PDE4D: variants seen among roughly 807,000 people sequenced by gnomAD.
PDE4D encodes the protein 3',5'-cyclic-AMP phosphodiesterase 4D.
In PDE4D, 24 loss-of-function variants were observed where a neutral mutation model predicts 87.4. That is an observed-to-expected ratio of 0.27 (90% CI 0.20 to 0.39). The LOEUF is 0.39. Among genes scored for constraint, PDE4D ranks in the 10% least tolerant of loss-of-function variants. The probability of loss-of-function intolerance (pLI) is 1.00; values close to 1 mark genes in which losing one functional copy is unlikely to be tolerated. For missense variants in PDE4D, 714 were observed against 1,041.0 expected, an observed-to-expected ratio of 0.69 and a Z score of 4.32; for synonymous variants, 384 against 383.2, an observed-to-expected ratio of 1.00 and a Z score of -0.02.
rs563923064 is a variant in PDE4D, at chr5:59,218,121, T to C, written c.456-2153A>G. The C allele has an allele frequency of 1.9e-4, 59 of 305,314 alleles. No individual in the cohort carries two copies. The East Asian group carries it at 2.6e-3, about 13-fold the overall frequency. The allele number at this position is 305,314 out of a possible 1,614,324, so 18.9% of individuals were successfully genotyped here. ...GGTTTGGCAAAGTAGATTTCTCTTC[T>C]AAGAAGATAGTCATGGCAGCTTTTC... On this transcript the variant is annotated intron_variant, in intron 1 of 14. Coordinates refer to ENST00000340635, the MANE Select transcript of PDE4D (RefSeq NM_001104631.2).
At chr5:59,503,217 G>A (rs1808639249) in intron 1 of PDE4D, among the ~76,000 whole-genome samples, 1 of 152,106 alleles carries the variant, frequency 6.6e-6, no homozygotes, top group Admixed American at 6.6e-5. Flanking sequence ...AGTGATAAAA[G>A]TTCAGGAGGT....
At chr5:59,565,222 T>C (rs922124477) in intron 1 of PDE4D, among the ~76,000 whole-genome samples, 1 of 152,050 alleles carries the variant, frequency 6.6e-6, no homozygotes, top group South Asian at 2.1e-4. Flanking sequence ...CTGTACACTA[T>C]TTAGAAAGTT....
intron 5 of PDE4D, among the ~76,000 whole-genome samples, chr5:59,082,581 T>C (rs1313173138): frequency 6.6e-6 from 1 of 152,102 alleles, no homozygotes; most frequent in Non-Finnish European, 1.5e-5. Context: ...CTATTCATAA[T>C]AGTAATAAAA....
chr5:59,481,575 TGGTGGTAAGGA>T (rs1261664900), intron 1 of PDE4D, among the ~76,000 whole-genome samples: 1 of 152,044 alleles, frequency 6.6e-6, no homozygotes, highest in African/African-American at 2.4e-5. Context: ...TGCATTTGGG[TGGTGGTAAGGA>T]AAGGCTGCTC....
At chr5:60,102,309 C>T (rs1001616991) in intron 2 of PDE4D, among the ~76,000 whole-genome samples, 13 of 151,700 alleles carry the variant, frequency 8.6e-5, no homozygotes, top group African/African-American at 2.9e-4. Context: ...AGATTTGTTA[C>T]ATGGGAGTAT....
intron 1 of PDE4D, among the ~76,000 whole-genome samples, chr5:59,429,998 G>A (rs1280071476): frequency 6.6e-6 from 1 of 152,026 alleles, no homozygotes; most frequent in Non-Finnish European, 1.5e-5. Flanking sequence ...TCCATTATTT[G>A]GCTAAATCCT....
chr5:59,053,638 GTT>G (rs1205199951), intron 5 of PDE4D, among the ~76,000 whole-genome samples: 27 of 84,666 alleles, frequency 3.2e-4, no homozygotes, highest in Middle Eastern at 7.6e-3. Context: ...AAGTTGTTTT[GTT>G]TTTTGTTTTT....
At chr5:59,996,640 A>T (rs1166859768) in intron 2 of PDE4D, among the ~76,000 whole-genome samples, 1 of 152,170 alleles carries the variant, frequency 6.6e-6, no homozygotes, top group Non-Finnish European at 1.5e-5. Context: ...ATTACTTATT[A>T]TGTATGTTTT....
At chr5:59,071,928 A>G (rs887411217) in intron 5 of PDE4D, among the ~76,000 whole-genome samples, 4 of 152,032 alleles carry the variant, frequency 2.6e-5, no homozygotes, top group Admixed American at 1.3e-4. Flanking sequence ...ACCTAAGGTA[A>G]TCCCCCCGCC....
chr5:59,732,394 T>TCACACA (rs71604799), intron 1 of PDE4D, among the ~76,000 whole-genome samples: 14,334 of 146,084 alleles, frequency 0.098, 1,104 homozygotes, highest in African/African-American at 0.22. Context: ...CAGGAGACAT[T>TCACACA]CACACACACA....
At chr5:59,693,750 A>G (rs1751331980) in intron 1 of PDE4D, among the ~76,000 whole-genome samples, 1 of 152,192 alleles carries the variant, frequency 6.6e-6, no homozygotes, top group Non-Finnish European at 1.5e-5. Flanking sequence ...AGTATTTTTT[A>G]ATCTACTTCC....
At chr5:59,571,605 T>C (rs114765916) in intron 1 of PDE4D, among the ~76,000 whole-genome samples, 1 of 152,312 alleles carries the variant, frequency 6.6e-6, no homozygotes, top group Non-Finnish European at 1.5e-5. Context: ...ATCAAACATC[T>C]TTTACTCATG....
At chr5:59,512,960 T>C (rs562960555) in intron 1 of PDE4D, among the ~76,000 whole-genome samples, 1 of 152,238 alleles carries the variant, frequency 6.6e-6, no homozygotes, top group South Asian at 2.1e-4. Context: ...GACTATACAG[T>C]TTAGGTTGTT....
At chr5:59,082,813 C>T (rs1211768198) in intron 5 of PDE4D, among the ~76,000 whole-genome samples, 2 of 152,026 alleles carry the variant, frequency 1.3e-5, no homozygotes, top group Non-Finnish European at 1.5e-5. Flanking sequence ...TTATGCAATT[C>T]GAAATGTGAT....
At chr5:60,499,953 C>T (rs1749991791) in intron 1 of PDE4D, among the ~76,000 whole-genome samples, 1 of 152,142 alleles carries the variant, frequency 6.6e-6, no homozygotes, top group Non-Finnish European at 1.5e-5. Flanking sequence ...TTGAAACATT[C>T]ACTCAATTTT....
chr5:60,433,028 T>C (rs1744479435), intron 1 of PDE4D, among the ~76,000 whole-genome samples: 1 of 152,178 alleles, frequency 6.6e-6, no homozygotes, highest in Non-Finnish European at 1.5e-5. Context: ...TGGCAAAGAT[T>C]TTATGATGAA....
At chr5:59,242,990 A>T (rs1409846741) in intron 1 of PDE4D, among the ~76,000 whole-genome samples, 8 of 152,170 alleles carry the variant, frequency 5.3e-5, no homozygotes, top group Admixed American at 5.2e-4. Context: ...GATGAAGATC[A>T]GGACTCTACA....
At chr5:59,891,457 G>T (rs1006078665) in intron 1 of PDE4D, among the ~76,000 whole-genome samples, 2 of 152,044 alleles carry the variant, frequency 1.3e-5, no homozygotes, top group African/African-American at 4.8e-5. Flanking sequence ...CTATCATTGG[G>T]GTCCTACATA....
At chr5:60,053,784 C>T (rs960664431) in intron 2 of PDE4D, among the ~76,000 whole-genome samples, 2 of 152,082 alleles carry the variant, frequency 1.3e-5, no homozygotes, top group African/African-American at 2.4e-5. Flanking sequence ...GCCATCTATC[C>T]ATCTGACAAA....
Sources: gnomAD v4.1 joint callset for allele counts (sites outside exome capture counted in the v4.1 genomes callset) on GRCh38, gnomAD v4.1.1 for gene constraint, MANE v1.5 for transcripts, NCBI Gene and HGNC (gene_info 2026-07-23, HGNC 2026-07-21) for gene names.